MYCBP2: variants seen among roughly 807,000 people sequenced by gnomAD.
The protein encoded by MYCBP2 is E3 ubiquitin-protein ligase MYCBP2.
A neutral mutation model predicts 525.3 loss-of-function variants in MYCBP2; 120 were observed. The observed-to-expected ratio is 0.23, with a 90% CI of 0.20 to 0.27. The LOEUF (loss-of-function observed/expected upper bound fraction) is 0.27, where lower values mean the gene tolerates loss of function less well. MYCBP2 is among the 10% of genes least tolerant of loss of function. The pLI is 1.00. For missense variants in MYCBP2, 4,149 were observed against 5,657.1 expected (o/e 0.73, Z 8.55); for synonymous variants, 1,894 against 1,955.8 (o/e 0.97, Z 0.83).
intron 67 of MYCBP2, 59 bp downstream of exon 67, chr13:77,077,089 A>T: frequency 1.9e-6 from 3 of 1,548,972 alleles, no homozygotes; most frequent in Non-Finnish European, 2.6e-6. Flanking sequence ...ATTTTGTTAC[A>T]CTCTTAAAAT....
At chr13:77,284,418 C>T (rs2076523438) in intron 3 of MYCBP2, among the ~76,000 whole-genome samples, 1 of 152,116 alleles carries the variant, frequency 6.6e-6, no homozygotes, top group African/African-American at 2.4e-5. Flanking sequence ...TCCCACTTGC[C>T]TTCAAATCCC....
rs1358470237 is a variant in MYCBP2 at position 77,257,770 on chromosome 13, T to A, written c.2077A>T (p.Thr693Ser). ...TCTCCATTCTTCATTAAAACACAAG[T>A]GTGAGCTTTGCCCATAGCTACCTGA... Reference protein sequence around the residue: ...VTQVAMGKAHTCVLMKNGEVW... With the variant: ...VTQVAMGKAHSCVLMKNGEVW... The change falls in exon 14 of 83, where the codon ACT (threonine) becomes TCT (serine). Residue 693 changes from threonine to serine, a missense_variant. Transcript: ENST00000544440. The A allele has an allele frequency of 6.2e-7, 1 of 1,613,470 alleles. No homozygotes were observed. Among genetic ancestry groups the A allele is most frequent in the Non-Finnish European group, 8.5e-7 (1 of 1,179,750 alleles).
chr13:77,244,176 T>C (rs2069447140), intron 15 of MYCBP2, among the ~76,000 whole-genome samples: 1 of 152,230 alleles, frequency 6.6e-6, no homozygotes, highest in Non-Finnish European at 1.5e-5. Context: ...AATTGGTATA[T>C]TTCTACAGAA....
chr13:77,273,376 T>C, intron 5 of MYCBP2, 96 bp downstream of exon 5: 1 of 1,013,936 alleles, frequency 9.9e-7, no homozygotes, highest in Middle Eastern at 3.3e-4. Context: ...GCTACTGTAA[T>C]GAGTGAGAAA....
At chr13:77,201,803 C>T (rs1313573285) in intron 26 of MYCBP2, among the ~76,000 whole-genome samples, 5 of 152,024 alleles carry the variant, frequency 3.3e-5, no homozygotes, top group Non-Finnish European at 7.4e-5. Context: ...ACTGGGTACA[C>T]AATGAAATGA....
At chr13:77,189,111 G>GT (rs2154255911) in intron 29 of MYCBP2, 64 bp from the exon 30 acceptor site, 2 of 1,204,926 alleles carry the variant, frequency 1.7e-6, no homozygotes, top group South Asian at 1.5e-5. Context: ...TCTTTTTAAA[G>GT]TATATTATAC....
chr13:77,240,447 A>G (rs1477292541), intron 17 of MYCBP2, among the ~76,000 whole-genome samples: 1 of 152,106 alleles, frequency 6.6e-6, no homozygotes, highest in African/African-American at 2.4e-5. Flanking sequence ...GCCTCTACTA[A>G]AAATACAAAA....
intron 55 of MYCBP2, among the ~76,000 whole-genome samples, chr13:77,104,019 C>A (rs1316924405): frequency 6.6e-6 from 1 of 151,936 alleles, no homozygotes; most frequent in Non-Finnish European, 1.5e-5. Flanking sequence ...CTTAATTTAT[C>A]TTTTTTTGAA....
In MYCBP2 at chr13:77,147,350, T is replaced by C. The variant is rs2154190292; in HGVS notation, c.7132-1133A>G. Among the ~76,000 whole-genome samples, 3 of 152,126 alleles carry C rather than the reference T, an allele frequency of 2.0e-5. No individual in the cohort carries two copies. In the South Asian group the frequency reaches 6.2e-4, roughly 32 times the overall value. The stretch of plus-strand genomic sequence containing the variant: ...GTTTCTTAATAAAAAAATAACAAAA[T>C]GACCTGAAACAATTATGGTAAAATG... On this transcript the variant is annotated intron_variant, in intron 47 of 82. Transcript: ENST00000544440.
chr13:77,118,661 G>A (rs2050186928), intron 55 of MYCBP2: 3 of 518,024 alleles, frequency 5.8e-6, no homozygotes, highest in Non-Finnish European at 1.0e-5. Flanking sequence ...CTCAGATTAG[G>A]GACCGAATTT....
intron 55 of MYCBP2, among the ~76,000 whole-genome samples, chr13:77,115,722 T>C (rs745493124): frequency 6.6e-6 from 1 of 151,570 alleles, no homozygotes; most frequent in Non-Finnish European, 1.5e-5. Flanking sequence ...ATAATGCTCA[T>C]AGAAATGCTA....
intron 55 of MYCBP2, among the ~76,000 whole-genome samples, chr13:77,109,322 G>C (rs1159858853): frequency 6.6e-6 from 1 of 152,148 alleles, no homozygotes; most frequent in Non-Finnish European, 1.5e-5. Flanking sequence ...TAGATCCCTT[G>C]CATGCACAGT....
At chr13:77,071,342 G>A (rs1448414211) in intron 68 of MYCBP2, among the ~76,000 whole-genome samples, 2 of 149,308 alleles carry the variant, frequency 1.3e-5, no homozygotes, top group Admixed American at 6.7e-5. Flanking sequence ...AACCCCAGAA[G>A]GTAAATTGTA....
At chr13:77,252,935 T>C (rs2071475091) in intron 14 of MYCBP2, among the ~76,000 whole-genome samples, 1 of 152,096 alleles carries the variant, frequency 6.6e-6, no homozygotes, top group African/African-American at 2.4e-5. Context: ...AATTAATCTT[T>C]ACAGTCAATG....
intron 11 of MYCBP2, among the ~76,000 whole-genome samples, chr13:77,261,824 A>T (rs183932652): frequency 1.6e-4 from 24 of 152,218 alleles, no homozygotes; most frequent in Admixed American, 1.0e-3. Context: ...TTCAATTTGT[A>T]AAAAGAGCAA....
intron 15 of MYCBP2, among the ~76,000 whole-genome samples, chr13:77,249,436 A>G (rs1338648850): frequency 1.6e-4 from 25 of 152,238 alleles, no homozygotes; most frequent in Admixed American, 1.5e-3. Flanking sequence ...ATTATAAATT[A>G]TGTAAGTCTC....
intron 1 of MYCBP2, 121 bp from the exon 2 acceptor site, chr13:77,296,795 T>C: frequency 1.3e-6 from 1 of 783,748 alleles, no homozygotes; most frequent in Non-Finnish European, 1.9e-6. Flanking sequence ...AATTTCTTTA[T>C]GTGAAACAAT....
chr13:77,247,741 C>T (rs755938533), intron 15 of MYCBP2, among the ~76,000 whole-genome samples: 8 of 152,100 alleles, frequency 5.3e-5, no homozygotes, highest in Non-Finnish European at 1.0e-4. Context: ...ATAGAATAGA[C>T]AGCTGAGAAA....
chr13:77,197,428 TGAGA>T (rs769465017), intron 26 of MYCBP2, among the ~76,000 whole-genome samples: 15 of 152,052 alleles, frequency 9.9e-5, no homozygotes, highest in African/African-American at 1.4e-4. Context: ...GTACTAATCA[TGAGA>T]GAGAGAGATC....
Sources: gnomAD v4.1 joint callset for allele counts (sites outside exome capture counted in the v4.1 genomes callset) on GRCh38, gnomAD v4.1.1 for gene constraint, MANE v1.5 for transcripts, NCBI Gene and HGNC (gene_info 2026-07-23, HGNC 2026-07-21) for gene names.